The following PIP4K2A variants were observed in gnomAD, a reference collection of about 807,000 sequenced individuals.
PIP4K2A encodes phosphatidylinositol-5-phosphate 4-kinase type 2 alpha.
In PIP4K2A, 14 loss-of-function variants were observed where a neutral mutation model predicts 42.9. The observed-to-expected ratio is 0.33, with a 90% CI of 0.22 to 0.51. The LOEUF (loss-of-function observed/expected upper bound fraction) is 0.51, where lower values mean the gene tolerates loss of function less well. PIP4K2A is among the 20% of genes least tolerant of loss of function. The probability of loss-of-function intolerance (pLI) is 0.97; values close to 1 mark genes in which losing one functional copy is unlikely to be tolerated. For synonymous variants in PIP4K2A, 192 were observed against 192.2 expected, an observed-to-expected ratio of 1.00 and a Z score of 0.01; for missense variants, 434 against 519.8, an observed-to-expected ratio of 0.83 and a Z score of 1.61.
intron 1 of PIP4K2A, among the ~76,000 whole-genome samples, chr10:22,710,882 C>T (rs755026042): frequency 6.6e-6 from 1 of 152,198 alleles, no homozygotes; most frequent in Non-Finnish European, 1.5e-5. Flanking sequence ...ATACTAATTT[C>T]TAAAAGGCTC....
At chr10:22,687,912 C>A (rs928761778) in intron 1 of PIP4K2A, among the ~76,000 whole-genome samples, 1 of 152,034 alleles carries the variant, frequency 6.6e-6, no homozygotes, top group South Asian at 2.1e-4. Flanking sequence ...CTACTTTGTG[C>A]GAGATCATTG....
intron 3 of PIP4K2A, among the ~76,000 whole-genome samples, chr10:22,595,062 T>A (rs1837602646): frequency 6.6e-6 from 1 of 152,168 alleles, no homozygotes; most frequent in Non-Finnish European, 1.5e-5. Flanking sequence ...TAAAAATACA[T>A]AAATCAAGTG....
intron 1 of PIP4K2A, among the ~76,000 whole-genome samples, chr10:22,664,206 T>TATATATATAC (rs1564460335): frequency 2.0e-4 from 9 of 45,940 alleles, no homozygotes; most frequent in African/African-American, 7.8e-4. Context: ...TATATATACA[T>TATATATATAC]ATATATATAT....
chr10:22,547,779 T>C (rs1371458243), intron 7 of PIP4K2A, among the ~76,000 whole-genome samples: 1 of 152,182 alleles, frequency 6.6e-6, no homozygotes, highest in Non-Finnish European at 1.5e-5. Context: ...CAAAAGTGCC[T>C]GTCACTCCTC....
At chr10:22,562,969 T>A (rs114577889) in intron 6 of PIP4K2A, among the ~76,000 whole-genome samples, 2,636 of 152,238 alleles carry the variant, frequency 0.017, 81 homozygotes, top group African/African-American at 0.061. Context: ...GGGAGCCAGA[T>A]TGCAGCAGGT....
chr10:22,566,375 C>G (rs1836847880), intron 6 of PIP4K2A, among the ~76,000 whole-genome samples: 1 of 152,168 alleles, frequency 6.6e-6, no homozygotes, highest in Non-Finnish European at 1.5e-5. Flanking sequence ...AACTCCTCCT[C>G]CTGCTCTTGT....
intron 1 of PIP4K2A, among the ~76,000 whole-genome samples, chr10:22,678,005 T>C (rs1839590938): frequency 6.6e-6 from 1 of 152,182 alleles, no homozygotes; most frequent in Non-Finnish European, 1.5e-5. Context: ...TCTAAATGAA[T>C]AGCTGACCAT....
Position 22,537,172 on chromosome 10 carries a change from T to C in PIP4K2A, c.*29A>G. 1.3e-6 allele frequency: 2 copies of C among 1,563,496 alleles called. No homozygotes were observed. The highest frequency in any genetic ancestry group is 8.8e-7 in the Non-Finnish European group (1 of 1,142,798). ...CGAAGCCACCTCTGTCCATCCAATG[T>C]TCATGTCTGTCCGAGGCTGCGCAGG... On this transcript the variant is annotated 3_prime_UTR_variant, in exon 10 of 10. Coordinates refer to ENST00000376573, the MANE Select transcript of PIP4K2A (RefSeq NM_005028.5).
chr10:22,614,280 A>G (rs1191032190), intron 1 of PIP4K2A, among the ~76,000 whole-genome samples: 1 of 152,248 alleles, frequency 6.6e-6, no homozygotes, highest in Non-Finnish European at 1.5e-5. Flanking sequence ...ACATGGAATC[A>G]TAAGATGCTG....
intron 7 of PIP4K2A, among the ~76,000 whole-genome samples, chr10:22,544,985 T>C (rs989111610): frequency 2.6e-5 from 4 of 152,214 alleles, no homozygotes; most frequent in African/African-American, 9.6e-5. Context: ...TTCATTTTGT[T>C]GGAGTATTTG....
chr10:22,651,806 G>A lies in PIP4K2A; in HGVS notation c.145-42089C>T, dbSNP rs73598588. Among the ~76,000 whole-genome samples the A allele has an allele frequency of 9.0e-3, 1,369 of 152,282 alleles. 24 individuals are homozygous for A. Among genetic ancestry groups the A allele is most frequent in the African/African-American group, 0.03 (1,252 of 41,552 alleles). ...GGGTGCCAAGGACAGATGCGTGGGCGACCCCTCACTGCTTGTGTGACTTCC... is the reference window on the plus strand; with the variant it reads ...GGGTGCCAAGGACAGATGCGTGGGCAACCCCTCACTGCTTGTGTGACTTCC... On this transcript the variant is annotated intron_variant, in intron 1 of 9. Coordinates refer to ENST00000376573, the MANE Select transcript of PIP4K2A (RefSeq NM_005028.5).
At chr10:22,612,097 C>T (rs979934975) in intron 1 of PIP4K2A, among the ~76,000 whole-genome samples, 2 of 152,328 alleles carry the variant, frequency 1.3e-5, no homozygotes, top group African/African-American at 2.4e-5. Flanking sequence ...AAAACTTCAG[C>T]CAACATGGAA....
intron 3 of PIP4K2A, among the ~76,000 whole-genome samples, chr10:22,601,067 G>C (rs1015234663): frequency 7.4e-6 from 1 of 134,948 alleles, no homozygotes; most frequent in Non-Finnish European, 1.5e-5. Flanking sequence ...CTAAATCTCA[G>C]CTGCTGTTTC....
At chr10:22,694,497 C>T (rs894490578) in intron 1 of PIP4K2A, 29 of 152,164 alleles carry the variant, frequency 1.9e-4, no homozygotes, top group Non-Finnish European at 1.0e-4. Context: ...TCTCTTGTGG[C>T]AAAATACATA....
rs181087198 is a variant in PIP4K2A at position 22,550,633 on chromosome 10, C to G, written c.792+26G>C. ...CAGGGCTGATATTTATACAATGAGT[C>G]TGGCCTCTCCACTGACTGTTCTTAC... On this transcript the variant is annotated intron_variant, in intron 7 of 9. Transcript: ENST00000376573. 408 of 1,156,642 alleles carry G rather than the reference C, an allele frequency of 3.5e-4. 2 individuals carry two copies. Among genetic ancestry groups the G allele is most frequent in the African/African-American group, 3.0e-3 (202 of 66,928 alleles). 71.6% of individuals were successfully genotyped at this position (1,156,642 alleles called of 1,614,324 possible). A position where few individuals can be genotyped will look rare whatever the true frequency, so the allele number is the denominator to read the frequency against.
intron 1 of PIP4K2A, among the ~76,000 whole-genome samples, chr10:22,611,867 G>T (rs1838049961): frequency 6.6e-6 from 1 of 152,238 alleles, no homozygotes; most frequent in Non-Finnish European, 1.5e-5. Context: ...TGTGGAACAA[G>T]AGAAAGCGAA....
intron 7 of PIP4K2A, among the ~76,000 whole-genome samples, chr10:22,549,685 C>CA (rs1588618204): frequency 6.6e-6 from 1 of 151,096 alleles, no homozygotes; most frequent in African/African-American, 2.4e-5. Flanking sequence ...AATAAAAATA[C>CA]AAAAAATTAG....
intron 4 of PIP4K2A, among the ~76,000 whole-genome samples, chr10:22,580,441 G>C (rs1837243405): frequency 6.6e-6 from 1 of 151,970 alleles, no homozygotes; most frequent in Non-Finnish European, 1.5e-5. Flanking sequence ...CTTGAGCCCA[G>C]GAGTTTGAGA....
chr10:22,587,809 T>G (rs955208722), intron 4 of PIP4K2A, among the ~76,000 whole-genome samples: 6 of 152,322 alleles, frequency 3.9e-5, no homozygotes, highest in Admixed American at 6.5e-5. Flanking sequence ...TAGAACAGCA[T>G]TTACTAAATG....
Sources: allele counts gnomAD v4.1 joint callset (sites outside exome capture counted in the v4.1 genomes callset), GRCh38; gene constraint gnomAD v4.1.1; transcripts MANE v1.5; gene names NCBI Gene and HGNC (gene_info 2026-07-23, HGNC 2026-07-21).